The following TUBGCP5 variants were observed in gnomAD, a reference collection of about 807,000 sequenced individuals.
The protein encoded by TUBGCP5 is gamma-tubulin complex component 5.
In TUBGCP5, 98 loss-of-function variants were observed where a neutral mutation model predicts 134.7. That is an observed-to-expected ratio of 0.73 (90% CI 0.62 to 0.86). The LOEUF is 0.86. Ranked by LOEUF, TUBGCP5 falls within the 40% of genes least tolerant of loss-of-function variation. The pLI is 0.00. For synonymous variants in TUBGCP5, 456 were observed against 431.4 expected (o/e 1.06, Z -0.71); for missense variants, 1,150 against 1,244.8 (o/e 0.92, Z 1.15).
intron 1 of TUBGCP5, among the ~76,000 whole-genome samples, chr15:23,038,464 GTTTATT>G (rs1340565658): frequency 1.3e-5 from 2 of 151,558 alleles, no homozygotes; most frequent in Non-Finnish European, 1.5e-5. Context: ...TTCACACATT[GTTTATT>G]TTTATAAGTT....
chr15:23,008,755 A>T lies in TUBGCP5; in HGVS notation c.2271T>A (p.Phe757Leu). The change falls in exon 16 of 23, where the codon TTT (phenylalanine) becomes TTA (leucine). Residue 757 changes from phenylalanine to leucine, a missense_variant. This residue lies in a region of TUBGCP5 where 697 missense variants were observed against 850.1 expected (regional missense o/e 0.82). Transcript: ENST00000615383. ...REKETWQNVS[F>L]LNVQLQEAVG... is the part of the protein sequence containing the mutation. ...CTGCTTCTTGGAGTTGGACATTAAG[A>T]AAAGACACATTCTGCCATGTTTCCT... The T allele has an allele frequency of 1.2e-6, 2 of 1,608,130 alleles. No individual in the cohort carries two copies. The highest frequency in any genetic ancestry group is 1.7e-6 in the Non-Finnish European group (2 of 1,178,786).
At chr15:23,001,824 A>G (rs931428346) in intron 21 of TUBGCP5, among the ~76,000 whole-genome samples, 1 of 152,082 alleles carries the variant, frequency 6.6e-6, no homozygotes, top group Non-Finnish European at 1.5e-5. Context: ...CACAGTCATG[A>G]ATATTTCATA....
intron 23 of TUBGCP5, among the ~76,000 whole-genome samples, chr15:22,993,388 G>A (rs576101279): frequency 2.0e-5 from 3 of 150,282 alleles, no homozygotes; most frequent in South Asian, 2.1e-4. Context: ...GTGAGCCACC[G>A]CGCCCAGCTG....
chr15:22,986,421 C>T (rs2063682800), intron 23 of TUBGCP5, among the ~76,000 whole-genome samples: 1 of 152,028 alleles, frequency 6.6e-6, no homozygotes, highest in African/African-American at 2.4e-5. Flanking sequence ...TGACAGATAG[C>T]ACCACTACTC....
intron 20 of TUBGCP5, among the ~76,000 whole-genome samples, chr15:23,003,636 T>TG: frequency 3.1e-5 from 2 of 63,894 alleles, no homozygotes; most frequent in Non-Finnish European, 6.4e-5. Context: ...CCTTCTGTTT[T>TG]TTTTTTTTTT....
rs1277867372 is a variant in TUBGCP5, at chr15:23,032,830, A to G, written c.310-6T>C. The G allele has an allele frequency of 1.9e-6, 3 of 1,549,240 alleles. No individual in the cohort carries two copies. Among genetic ancestry groups the G allele is most frequent in the Non-Finnish European group, 1.7e-6 (2 of 1,152,048 alleles). On this transcript the variant is annotated splice_region_variant and splice_polypyrimidine_tract_variant and intron_variant, in intron 3 of 22. Transcript: ENST00000615383. ...ATGGAATAATGTGCATCTGTCTTTA[A>G]AACAAAAAAAAGAACATAAATCTCT... is the stretch of plus-strand genomic sequence containing the variant.
rs1347364890 is a variant in TUBGCP5 at position 23,003,056 on chromosome 15, C to T, written c.2927+9G>A. On this transcript the variant is annotated intron_variant, in intron 21 of 22. Coordinates refer to ENST00000615383, the MANE Select transcript of TUBGCP5 (RefSeq NM_052903.6). ...CACAGTGCAGATGCTGCAGAAATCACATACTTACCGCCAAGTGCCCAGGCC... is the reference window on the plus strand; with the variant it reads ...CACAGTGCAGATGCTGCAGAAATCATATACTTACCGCCAAGTGCCCAGGCC... The T allele has an allele frequency of 1.2e-6, 2 of 1,613,890 alleles. No homozygotes were observed. The highest frequency in any genetic ancestry group is 1.3e-5 in the African/African-American group (1 of 75,018).
chr15:23,037,910 G>A (rs1377332023), intron 1 of TUBGCP5, among the ~76,000 whole-genome samples: 13 of 152,100 alleles, frequency 8.5e-5, no homozygotes, highest in African/African-American at 2.7e-4. Flanking sequence ...GACTACAGGC[G>A]CCTGCCACCA....
chr15:23,019,573 G>A (rs1172056423), intron 11 of TUBGCP5, among the ~76,000 whole-genome samples: 10 of 150,982 alleles, frequency 6.6e-5, no homozygotes, highest in African/African-American at 1.7e-4. Context: ...CGAGGTGGGC[G>A]GATCACCTGA....
chr15:23,039,453 C>G lies in TUBGCP5; in HGVS notation c.91G>C (p.Asp31His). 2 of 1,549,936 alleles carry G rather than the reference C, an allele frequency of 1.3e-6. No homozygotes were observed. Among genetic ancestry groups the G allele is most frequent in the Non-Finnish European group, 1.7e-6 (2 of 1,145,754 alleles). The change falls in exon 1 of 23, where the codon GAC becomes CAC. Residue 31 changes from aspartate (D) to histidine (H), a missense_variant. Physicochemically the swap from Asp to His is moderately conservative, Grantham distance 81 (BLOSUM62 -1). Around this residue, in one of 2 missense-constraint regions of TUBGCP5, gnomAD observed 453 missense variants for 394.7 expected, o/e 1.15. Coordinates refer to ENST00000615383, the MANE Select transcript of TUBGCP5 (RefSeq NM_052903.6). The stretch of plus-strand genomic sequence containing the variant: ...AGCTGGAAGTTGGGGTCTGCCTCGT[C>G]CTGGAGGCCGGCGACACCCCGGACG... ...ELVRGVAGLQ[D>H]EADPNFQLAL... is the part of the protein sequence containing the mutation.
chr15:23,002,244 C>T (rs1362674862), intron 21 of TUBGCP5, among the ~76,000 whole-genome samples: 1 of 152,092 alleles, frequency 6.6e-6, no homozygotes, highest in Non-Finnish European at 1.5e-5. Context: ...ATGGCTTCAT[C>T]TACTACCTTA....
intron 11 of TUBGCP5, among the ~76,000 whole-genome samples, chr15:23,020,375 C>T (rs773295256): frequency 1.3e-5 from 2 of 151,800 alleles, no homozygotes; most frequent in African/African-American, 2.4e-5. Flanking sequence ...ACACTGCACT[C>T]CAGCCTGGGC....
chr15:23,006,718 G>A (rs1262268411), intron 16 of TUBGCP5, among the ~76,000 whole-genome samples: 2 of 152,128 alleles, frequency 1.3e-5, no homozygotes, highest in Admixed American at 6.6e-5. Flanking sequence ...GCAGCTCGAC[G>A]GAGCCGAGCA....
Position 23,031,018 on chromosome 15 carries a change from ATTCTGATTT to A in TUBGCP5, c.487-7_488del, listed in dbSNP as rs1490980249. ...TTTCCTCTTCACTTTCTTCAGACCA[ATTCTGATTT>A]AAAAAAGAGATACACTTTAGCTTTA... On this transcript the variant is annotated splice_acceptor_variant and splice_polypyrimidine_tract_variant and coding_sequence_variant and intron_variant, in exon 6 of 23. Transcript: ENST00000615383. LOFTEE classifies it high-confidence loss of function. 6.2e-7 allele frequency: 1 copy of A among 1,608,004 alleles called. No homozygotes were observed. The highest frequency in any genetic ancestry group is 8.5e-7 in the Non-Finnish European group (1 of 1,178,496).
intron 13 of TUBGCP5, among the ~76,000 whole-genome samples, chr15:23,011,558 G>A (rs1326393818): frequency 2.0e-5 from 3 of 149,350 alleles, no homozygotes; most frequent in East Asian, 3.9e-4. Context: ...AGGCTGGAGC[G>A]CAATGGCGCC....
intron 6 of TUBGCP5, among the ~76,000 whole-genome samples, chr15:23,027,931 C>T (rs567805929): frequency 6.6e-6 from 1 of 152,112 alleles, no homozygotes; most frequent in South Asian, 2.1e-4. Context: ...ACCTTCCCAA[C>T]CACTACGGAA....
At chr15:23,023,655 A>T in intron 10 of TUBGCP5, 1 of 299,998 alleles carries the variant, frequency 3.3e-6, no homozygotes, top group Non-Finnish European at 6.3e-6. Context: ...TCTTTCTGGA[A>T]GGATGCGTAA....
rs529895747 is a variant in TUBGCP5, at chr15:22,999,591, G to A, written c.*229C>T. 3.1e-5 allele frequency: 17 copies of A among 539,980 alleles called. No homozygotes were observed. Among genetic ancestry groups the A allele is most frequent in the Admixed American group, 1.2e-4 (4 of 32,356 alleles). The allele number at this position is 539,980 out of a possible 1,614,324, so 33.4% of individuals were successfully genotyped here. ...ACATTTTGTATTTTTGGTAGACACC[G>A]GGTTTCACCATGTTGCCCAGGCTGG... On this transcript the variant is annotated 3_prime_UTR_variant, in exon 23 of 23. Coordinates refer to ENST00000615383, the MANE Select transcript of TUBGCP5 (RefSeq NM_052903.6).
rs748287663 is a variant in TUBGCP5, at chr15:23,008,825, G to GT, written c.2200dup (p.Thr734AsnfsTer4). The GT allele has an allele frequency of 6.3e-7, 1 of 1,591,840 alleles. No homozygotes were observed. Among genetic ancestry groups the GT allele is most frequent in the Non-Finnish European group, 8.5e-7 (1 of 1,174,148 alleles). On this transcript the variant is annotated frameshift_variant, in exon 16 of 23. Transcript: ENST00000615383. LOFTEE classifies it high-confidence loss of function. The stretch of plus-strand genomic sequence containing the variant: ...AATTGACGTGTAGAAGTCATACATG[G>GT]TATCTCCTCCTTCCATTAAGAAAAA...
Sources: gnomAD v4.1 joint callset for allele counts (sites outside exome capture counted in the v4.1 genomes callset) on GRCh38, gnomAD v4.1.1 for gene constraint, gnomAD v4.1.1 regional missense constraint, MANE v1.5 for transcripts, NCBI Gene and HGNC (gene_info 2026-07-23, HGNC 2026-07-21) for gene names.